MTMR8: variants seen among roughly 807,000 people sequenced by gnomAD.
MTMR8 encodes the protein myotubularin related protein 8, also known as phosphatidylinositol-3,5-bisphosphate 3-phosphatase MTMR8.
Under a neutral mutation model 39.3 loss-of-function variants are expected in MTMR8, and 65 were observed. That is an observed-to-expected ratio of 1.65 (90% CI 1.35 to 2.03). The LOEUF (loss-of-function observed/expected upper bound fraction) is 2.03. Among genes scored for constraint, MTMR8 ranks in the 30% most tolerant of loss-of-function variants. MTMR8 has a pLI of 0.00. For synonymous variants in MTMR8, 245 were observed against 185.2 expected (o/e 1.32, Z -2.62); for missense variants, 777 against 538.9 (o/e 1.44, Z -4.37).
At chrX:64,334,836 C>T (rs928833092) in intron 10 of MTMR8, among the ~76,000 whole-genome samples, 2 of 111,969 alleles carry the variant, frequency 1.8e-5, no homozygotes, top group African/African-American at 3.2e-5. Context: ...AGGAAGCCTT[C>T]TTTGCCCCAG....
intron 8 of MTMR8, among the ~76,000 whole-genome samples, chrX:64,339,332 A>C (rs1182717174): frequency 8.9e-6 from 1 of 111,845 alleles, no homozygotes; most frequent in African/African-American, 3.2e-5. Flanking sequence ...AGTCAGGACT[A>C]CAAAAAGGGT....
Position 64,328,867 on chromosome X carries a change from G to T in MTMR8, c.1386C>A (p.Phe462Leu), listed in dbSNP as rs772322189. ...VYEKTHSVWPFLVQRKPDFRN... is the reference protein window; with the variant it reads ...VYEKTHSVWPLLVQRKPDFRN... ...TGAAGTCTGGTTTCCTCTGAACCAA[G>T]AAAGGCCACACAGAATGTGTTTTCT... The change falls in exon 12 of 14, where the codon TTC becomes TTA. Residue 462 changes from phenylalanine (F) to leucine (L), a missense_variant. Phe to Leu is a conservative substitution (Grantham distance 22). Transcript: ENST00000374852. The T allele has an allele frequency of 5.0e-6, 6 of 1,198,442 alleles. No homozygotes were observed. The South Asian group carries it at 1.1e-4, about 22-fold the overall frequency.
chrX:64,372,765 A>G (rs781672722), intron 1 of MTMR8, among the ~76,000 whole-genome samples: 2 of 112,222 alleles, frequency 1.8e-5, no homozygotes, highest in African/African-American at 6.5e-5. Context: ...GTTTGGGGCT[A>G]TTATGAATAA....
intron 12 of MTMR8, among the ~76,000 whole-genome samples, chrX:64,307,481 A>G (rs1000447568): frequency 9.0e-6 from 1 of 111,551 alleles, no homozygotes; most frequent in Non-Finnish European, 1.9e-5. Context: ...CCCCCATTTA[A>G]TTACTTCTGT....
intron 12 of MTMR8, among the ~76,000 whole-genome samples, chrX:64,300,401 C>T (rs1921813786): frequency 9.0e-6 from 1 of 111,194 alleles, no homozygotes; most frequent in Non-Finnish European, 1.9e-5. Context: ...ATTGCAAACC[C>T]TGCCTTTTTT....
chrX:64,301,685 G>GT (rs1160972801), intron 12 of MTMR8, among the ~76,000 whole-genome samples: 3 of 111,335 alleles, frequency 2.7e-5, no homozygotes, highest in Non-Finnish European at 5.7e-5. Context: ...TTTCTGTTCT[G>GT]TTTTTTCCCC....
chrX:64,360,605 C>A (rs1045774181), intron 1 of MTMR8, among the ~76,000 whole-genome samples: 1 of 110,969 alleles, frequency 9.0e-6, no homozygotes, highest in Non-Finnish European at 1.9e-5. Context: ...GGTTCTCCAA[C>A]CACAATGCAA....
At chrX:64,359,040 C>T (rs1211622462) in intron 2 of MTMR8, among the ~76,000 whole-genome samples, 4 of 110,958 alleles carry the variant, frequency 3.6e-5, no homozygotes, top group Non-Finnish European at 7.6e-5. Context: ...ATCAAGTTCC[C>T]ATACGCTACA....
chrX:64,395,299 G>A, intron 1 of MTMR8, 41 bp downstream of exon 1: 1 of 1,201,201 alleles, frequency 8.3e-7, no homozygotes. Context: ...GCACCAAGAG[G>A]AAGCTCGCGG....
At chrX:64,299,015 A>T (rs1246772494) in intron 12 of MTMR8, among the ~76,000 whole-genome samples, 1 of 68,102 alleles carries the variant, frequency 1.5e-5, no homozygotes, top group Non-Finnish European at 2.4e-5. Context: ...ATCAATGTTC[A>T]TCAAGGATAT....
chrX:64,317,111 C>CAAAA (rs1203927676), intron 12 of MTMR8, among the ~76,000 whole-genome samples: 1 of 46,102 alleles, frequency 2.2e-5, no homozygotes, highest in African/African-American at 6.2e-5. Context: ...GACTGTGTCT[C>CAAAA]AAAAAAAAAA....
chrX:64,270,833 AAG>A, intron 13 of MTMR8, 112 bp downstream of exon 13: 2 of 836,098 alleles, frequency 2.4e-6, no homozygotes, highest in Non-Finnish European at 3.3e-6. Context: ...TGAAAAGCCA[AAG>A]AGTATAAAAA....
intron 1 of MTMR8, among the ~76,000 whole-genome samples, chrX:64,365,000 G>C (rs745744508): frequency 2.7e-5 from 3 of 111,509 alleles, no homozygotes; most frequent in Non-Finnish European, 5.6e-5. Context: ...TCAAGTGGAA[G>C]AAAGGGTATC....
intron 12 of MTMR8, chrX:64,305,113 TC>T: frequency 4.6e-6 from 1 of 216,956 alleles, no homozygotes; most frequent in Non-Finnish European, 9.4e-6. Flanking sequence ...TTGAATTGCC[TC>T]TGGATCAAGG....
intron 12 of MTMR8, among the ~76,000 whole-genome samples, chrX:64,274,804 A>G (rs1931835235): frequency 1.8e-5 from 2 of 112,297 alleles, no homozygotes; most frequent in South Asian, 7.3e-4. Flanking sequence ...TAAGCCAGAC[A>G]CAGAAAGACA....
rs899941833 is a variant in MTMR8 at position 64,291,335 on chromosome X, C to A, written c.1482-20262G>T. Among the ~76,000 whole-genome samples, 4 of 110,858 alleles carry A rather than the reference C, an allele frequency of 3.6e-5. No homozygotes were observed. In the South Asian group the frequency reaches 1.5e-3, roughly 43 times the overall value. ...AGATTAACTCCAGAGTAATAAAGAC[C>A]CCACATCACTGCTGCCCTTCAGAAC... On this transcript the variant is annotated intron_variant, in intron 12 of 13. Transcript: ENST00000374852.
At chrX:64,318,765 TG>T (rs1276278028) in intron 12 of MTMR8, among the ~76,000 whole-genome samples, 1 of 102,523 alleles carries the variant, frequency 9.8e-6, no homozygotes, top group East Asian at 3.0e-4. Context: ...TGGAGTACAG[TG>T]GTGCAATCTT....
intron 12 of MTMR8, among the ~76,000 whole-genome samples, chrX:64,298,518 C>G (rs1233830261): frequency 1.1e-4 from 9 of 83,136 alleles, no homozygotes; most frequent in Non-Finnish European, 1.8e-4. Flanking sequence ...ATCATGTCAT[C>G]TGCAAACAGG....
chrX:64,326,245 A>T (rs755867798), intron 12 of MTMR8, among the ~76,000 whole-genome samples: 111 of 111,355 alleles, frequency 1.0e-3, no homozygotes, highest in African/African-American at 3.4e-3. Context: ...AAGAAAATCC[A>T]CATATAAATG....
Sources: gnomAD v4.1 joint callset for allele counts (sites outside exome capture counted in the v4.1 genomes callset) on GRCh38, gnomAD v4.1.1 for gene constraint, MANE v1.5 for transcripts, NCBI Gene and HGNC (gene_info 2026-07-23, HGNC 2026-07-21) for gene names.